The following ADGRV1 variants were observed in gnomAD, a reference collection of about 807,000 sequenced individuals.
ADGRV1 encodes adhesion G protein-coupled receptor V1, also known as G-protein coupled receptor 98.
A neutral mutation model predicts 596.2 loss-of-function variants in ADGRV1; 359 were observed. The observed-to-expected ratio is 0.60, with a 90% CI of 0.55 to 0.66. The LOEUF (loss-of-function observed/expected upper bound fraction) is 0.66. Among genes scored for constraint, ADGRV1 ranks in the 30% least tolerant of loss-of-function variants. The pLI is 0.00. For missense variants in ADGRV1, 7,274 were observed against 7,575.6 expected (o/e 0.96, Z 1.48); for synonymous variants, 2,681 against 2,679.2 (o/e 1.00, Z -0.02).
At chr5:90,902,069 G>T (rs1002655781) in intron 83 of ADGRV1, among the ~76,000 whole-genome samples, 2 of 152,070 alleles carry the variant, frequency 1.3e-5, no homozygotes, top group Non-Finnish European at 2.9e-5. Context: ...TATTTTGAAG[G>T]TAAAGCTAAC....
chr5:90,976,316 GTGTGTGTATATA>G (rs1197784670), intron 84 of ADGRV1, among the ~76,000 whole-genome samples: 8 of 121,476 alleles, frequency 6.6e-5, no homozygotes, highest in African/African-American at 2.8e-4. Context: ...GTGTGTGTGT[GTGTGTGTATATA>G]TATATATATA....
chr5:90,785,375 CA>C (rs1455195269), intron 67 of ADGRV1, among the ~76,000 whole-genome samples: 1 of 152,168 alleles, frequency 6.6e-6, no homozygotes, highest in African/African-American at 2.4e-5. Flanking sequence ...ACACCAAAAG[CA>C]ATGGCAACAA....
intron 89 of ADGRV1, among the ~76,000 whole-genome samples, chr5:91,156,910 C>T (rs1362426998): frequency 6.6e-6 from 1 of 152,198 alleles, no homozygotes; most frequent in Admixed American, 6.5e-5. Flanking sequence ...CATATAACAT[C>T]TTAACATTTT....
chr5:90,769,626 T>C (rs1252589479), intron 59 of ADGRV1, among the ~76,000 whole-genome samples: 2 of 152,220 alleles, frequency 1.3e-5, no homozygotes, highest in Admixed American at 6.5e-5. Flanking sequence ...CTGTATTTTA[T>C]TGTTTCTCAT....
At chr5:90,939,912 G>A (rs1421287408) in intron 83 of ADGRV1, among the ~76,000 whole-genome samples, 2 of 152,156 alleles carry the variant, frequency 1.3e-5, no homozygotes, top group Non-Finnish European at 2.9e-5. Flanking sequence ...ACATATATAT[G>A]TTGTCCTTCA....
At chr5:90,652,945 T>G (rs972110071) in intron 19 of ADGRV1, among the ~76,000 whole-genome samples, 1 of 152,180 alleles carries the variant, frequency 6.6e-6, no homozygotes, top group African/African-American at 2.4e-5. Flanking sequence ...CACTTTTGGT[T>G]TTAAAAAGCA....
At chr5:90,767,730 G>A (rs1581059065) in intron 59 of ADGRV1, among the ~76,000 whole-genome samples, 1 of 150,928 alleles carries the variant, frequency 6.6e-6, no homozygotes, top group East Asian at 2.0e-4. Context: ...ACATGAGATA[G>A]CACAGAAACG....
At chr5:90,574,769 G>GA (rs775385638) in intron 1 of ADGRV1, among the ~76,000 whole-genome samples, 2 of 152,150 alleles carry the variant, frequency 1.3e-5, no homozygotes, top group Non-Finnish European at 1.5e-5. Flanking sequence ...TTCAGAAGTT[G>GA]ATAGTGGTCT....
intron 83 of ADGRV1, among the ~76,000 whole-genome samples, chr5:90,962,690 G>A (rs1484913576): frequency 1.3e-5 from 2 of 152,130 alleles, no homozygotes; most frequent in African/African-American, 4.8e-5. Context: ...TGACAGCTCA[G>A]CCTCCTCTTG....
chr5:90,786,190 A>G (rs1759421575), intron 67 of ADGRV1, among the ~76,000 whole-genome samples: 1 of 151,764 alleles, frequency 6.6e-6, no homozygotes, highest in Non-Finnish European at 1.5e-5. Context: ...TATAGGTGGG[A>G]ATTGAACAAT....
chr5:91,115,116 G>A (rs983131878), intron 87 of ADGRV1, among the ~76,000 whole-genome samples: 1 of 152,120 alleles, frequency 6.6e-6, no homozygotes, highest in East Asian at 1.9e-4. Flanking sequence ...ACTCTCTGAT[G>A]CCTTTCAACT....
intron 82 of ADGRV1, among the ~76,000 whole-genome samples, chr5:90,856,788 C>T (rs1199183286): frequency 6.6e-6 from 1 of 152,118 alleles, no homozygotes; most frequent in Non-Finnish European, 1.5e-5. Flanking sequence ...TTCATTTTTC[C>T]CACCCATGAT....
At chr5:90,776,812 A>G (rs1047365474) in intron 61 of ADGRV1, among the ~76,000 whole-genome samples, 22 of 152,152 alleles carry the variant, frequency 1.4e-4, no homozygotes, top group Admixed American at 3.9e-4. Context: ...ATTTGCACAA[A>G]TTACACCAAG....
intron 85 of ADGRV1, among the ~76,000 whole-genome samples, chr5:91,048,479 A>G (rs976299609): frequency 6.6e-6 from 1 of 152,170 alleles, no homozygotes; most frequent in Non-Finnish European, 1.5e-5. Flanking sequence ...GAGATTTTCC[A>G]AAGAGGGTCA....
intron 83 of ADGRV1, among the ~76,000 whole-genome samples, chr5:90,935,373 T>C (rs1775588257): frequency 6.6e-6 from 1 of 152,120 alleles, no homozygotes; most frequent in African/African-American, 2.4e-5. Context: ...AGGCTGCTAA[T>C]GGCCAGGGGT....
chr5:91,093,635 A>G lies in ADGRV1; in HGVS notation c.18311-8584A>G, dbSNP rs1293981197. 2.0e-5 allele frequency among the ~76,000 whole-genome samples: 3 copies of G among 152,336 alleles called. No individual in the cohort carries two copies. In the South Asian group the frequency reaches 6.2e-4, roughly 32 times the overall value. On this transcript the variant is annotated intron_variant, in intron 86 of 89. Transcript: ENST00000405460. ...ACGTAACAAGTAATGACAAAGAGAT[A>G]CAGGCATGAAGAAATACAGTGTGCT...
rs2150129111 is a variant in ADGRV1 at position 90,789,693 on chromosome 5, A to G, written c.13894-9A>G. 5 of 1,508,140 alleles carry G rather than the reference A, an allele frequency of 3.3e-6. No homozygotes were observed. The highest frequency in any genetic ancestry group is 2.0e-5 in the Admixed American group (1 of 50,816). The allele number at this position is 1,508,140 out of a possible 1,614,324, so 93.4% of individuals were successfully genotyped here. On this transcript the variant is annotated splice_polypyrimidine_tract_variant and intron_variant, in intron 68 of 89. Coordinates refer to ENST00000405460, the MANE Select transcript of ADGRV1 (RefSeq NM_032119.4). The stretch of plus-strand genomic sequence containing the variant: ...ATAAATTATTTTCTCTGTTGTTTAT[A>G]TTTTTTAGATACAAGAGTTTGGTGA...
chr5:90,926,238 T>A lies in ADGRV1; in HGVS notation c.17857-39177T>A, dbSNP rs970701734. Among the ~76,000 whole-genome samples the A allele has an allele frequency of 1.9e-3, 294 of 152,070 alleles. 8 individuals are homozygous for A. In the East Asian group the frequency reaches 0.055, roughly 29 times the overall value. ...CTTCCTCCTTGTACCTCTGGTAGAA[T>A]TCGTCTGTGAATCCATCTGGTCCTG... On this transcript the variant is annotated intron_variant, in intron 83 of 89. Coordinates refer to ENST00000405460, the MANE Select transcript of ADGRV1 (RefSeq NM_032119.4).
chr5:90,784,397 C>T (rs1415391468), intron 67 of ADGRV1, among the ~76,000 whole-genome samples: 1 of 152,130 alleles, frequency 6.6e-6, no homozygotes, highest in Non-Finnish European at 1.5e-5. Flanking sequence ...CATCTCCGTT[C>T]TTACAGAGTT....
Sources: gnomAD v4.1 joint callset for allele counts (sites outside exome capture counted in the v4.1 genomes callset) on GRCh38, gnomAD v4.1.1 for gene constraint, MANE v1.5 for transcripts, NCBI Gene and HGNC (gene_info 2026-07-23, HGNC 2026-07-21) for gene names.